The following SCN10A variants were observed in gnomAD, a reference collection of about 807,000 sequenced individuals.
SCN10A encodes sodium channel protein type 10 subunit alpha.
A neutral mutation model predicts 170.7 loss-of-function variants in SCN10A; 162 were observed. That is an observed-to-expected ratio of 0.95 (90% confidence interval 0.84 to 1.08). SCN10A has a LOEUF of 1.08. Among genes scored for constraint, SCN10A ranks in the 50% least tolerant of loss-of-function variants. The pLI, the probability that SCN10A is intolerant of heterozygous loss-of-function variation, is 0.00. For synonymous variants in SCN10A, 985 were observed against 904.6 expected, an observed-to-expected ratio of 1.09 and a Z score of -1.59; for missense variants, 2,527 against 2,436.9, an observed-to-expected ratio of 1.04 and a Z score of -0.78.
chr3:38,728,856 G>A lies in SCN10A; in HGVS notation c.2326C>T (p.Leu776Phe), dbSNP rs761743865. The A allele has an allele frequency of 1.2e-6, 2 of 1,614,166 alleles. No individual in the cohort carries two copies. The highest frequency in any genetic ancestry group is 3.3e-5 in the Admixed American group (2 of 60,032). The change falls in exon 16 of 28, where the codon CTC (leucine) becomes TTC (phenylalanine). Residue 776 changes from leucine to phenylalanine, a missense_variant. Transcript: ENST00000449082. Reference protein sequence around the residue: ...LAKSWPTLNTLIKIIGNSVGA... With the variant: ...LAKSWPTLNTFIKIIGNSVGA... ...ACTGAGTTTCCGATGATCTTGATGAGTGTGTTTAAGGTGGGCCAGGATTTG... is the reference window on the plus strand; with the variant it reads ...ACTGAGTTTCCGATGATCTTGATGAATGTGTTTAAGGTGGGCCAGGATTTG...
chr3:38,746,390 C>A (rs1035754026), intron 13 of SCN10A, among the ~76,000 whole-genome samples: 2 of 151,930 alleles, frequency 1.3e-5, no homozygotes, highest in African/African-American at 2.4e-5. Flanking sequence ...TCCCATCAGC[C>A]CCACTGTCAC....
chr3:38,809,048 AC>A (rs1475089856), intron 1 of SCN10A, among the ~76,000 whole-genome samples: 1 of 152,172 alleles, frequency 6.6e-6, no homozygotes. Flanking sequence ...TGCTTTATGA[AC>A]CTGGAAATAA....
rs777604789 is a variant in SCN10A at position 38,712,148 on chromosome 3, A to T, written c.4089+13T>A. On this transcript the variant is annotated intron_variant, in intron 23 of 27. Coordinates refer to ENST00000449082, the MANE Select transcript of SCN10A (RefSeq NM_006514.4). ...CAAAGCAAGAGATATGGTTGATCTC[A>T]TGGTTGACTCACCACCTGCAGAAGT... The T allele has an allele frequency of 6.2e-7, 1 of 1,612,722 alleles. No homozygotes were observed. The highest frequency in any genetic ancestry group is 1.3e-5 in the African/African-American group (1 of 75,016).
At chr3:38,729,246 G>T (rs902029265) in intron 15 of SCN10A, among the ~76,000 whole-genome samples, 1 of 152,150 alleles carries the variant, frequency 6.6e-6, no homozygotes. Flanking sequence ...GGGTGGGTGT[G>T]ATGGGGCTCA....
intron 13 of SCN10A, among the ~76,000 whole-genome samples, chr3:38,749,646 A>G (rs2063727140): frequency 6.6e-6 from 1 of 152,242 alleles, no homozygotes; most frequent in East Asian, 1.9e-4. Context: ...AAATTAAATT[A>G]CAACTGTGTA....
chr3:38,736,473 G>T (rs927149057), intron 15 of SCN10A, among the ~76,000 whole-genome samples: 1 of 150,902 alleles, frequency 6.6e-6, no homozygotes, highest in Admixed American at 6.6e-5. Flanking sequence ...ACTGAAAACT[G>T]TCCTGAAAAT....
intron 1 of SCN10A, among the ~76,000 whole-genome samples, chr3:38,803,766 T>C (rs991373222): frequency 6.6e-6 from 1 of 152,064 alleles, no homozygotes; most frequent in Admixed American, 6.6e-5. Flanking sequence ...ACCTGCACAT[T>C]GTGCGCATGT....
intron 17 of SCN10A, 39 bp from the exon 18 acceptor site, chr3:38,725,353 C>G (rs1270617717): frequency 1.3e-6 from 2 of 1,518,574 alleles, no homozygotes; most frequent in Admixed American, 1.9e-5. Context: ...CTGGCCCCAC[C>G]CTTAGATGAC....
chr3:38,705,942 T>A (rs189057351), intron 26 of SCN10A, among the ~76,000 whole-genome samples: 2 of 152,276 alleles, frequency 1.3e-5, no homozygotes, highest in East Asian at 3.9e-4. Flanking sequence ...TTGAGCCTGC[T>A]CCTCTCCACT....
intron 14 of SCN10A, 39 bp downstream of exon 14, chr3:38,742,252 G>A (rs1162697721): frequency 1.0e-5 from 7 of 681,510 alleles, no homozygotes; most frequent in African/African-American, 4.3e-5. Flanking sequence ...ACCCCGCCCC[G>A]ACCACGCCAG....
chr3:38,697,601 G>A lies in SCN10A; in HGVS notation c.5619C>T (p.Leu1873=). Reference sequence around the variant, plus strand: ...CTCTGGGCACACATGGGGTGTTAGAGAGTGCCATGGAGCGGTGCAGCACAT... The same window carrying A: ...CTCTGGGCACACATGGGGTGTTAGAAAGTGCCATGGAGCGGTGCAGCACAT... ...RSYVLHRSMA[L]SNTPCVPRAE... Residue 1873 remains leucine (L), a synonymous_variant, in exon 28 of 28, where the codon CTC becomes CTT. Transcript: ENST00000449082. 1.9e-6 allele frequency: 3 copies of A among 1,614,216 alleles called. No individual in the cohort carries two copies. The highest frequency in any genetic ancestry group is 2.2e-5 in the South Asian group (2 of 91,080).
chr3:38,769,724 T>C (rs1189879151), intron 5 of SCN10A, among the ~76,000 whole-genome samples: 2 of 152,206 alleles, frequency 1.3e-5, no homozygotes, highest in Admixed American at 1.3e-4. Flanking sequence ...GAATGGCTGT[T>C]GTGCAGATTC....
chr3:38,775,000 C>A (rs1190865769), intron 4 of SCN10A, among the ~76,000 whole-genome samples: 1 of 152,152 alleles, frequency 6.6e-6, no homozygotes, highest in South Asian at 2.1e-4. Flanking sequence ...GATAGTGATA[C>A]CTTTCCTTGC....
chr3:38,731,511 A>G (rs150333337), intron 15 of SCN10A, among the ~76,000 whole-genome samples: 121 of 152,342 alleles, frequency 7.9e-4, no homozygotes, highest in African/African-American at 2.6e-3. Context: ...ACTGTGTTCC[A>G]AAGAGTAAGA....
At chr3:38,745,924 A>G (rs1487393897) in intron 13 of SCN10A, among the ~76,000 whole-genome samples, 1 of 151,330 alleles carries the variant, frequency 6.6e-6, no homozygotes, top group Non-Finnish European at 1.5e-5. Context: ...AGTTTGTTAG[A>G]ACTGTGTCTG....
intron 13 of SCN10A, among the ~76,000 whole-genome samples, chr3:38,748,462 A>G (rs930223440): frequency 6.6e-6 from 1 of 152,188 alleles, no homozygotes; most frequent in African/African-American, 2.4e-5. Context: ...GTCTCTTGTT[A>G]AGTCAATGTT....
rs935323254 is a variant in SCN10A, at chr3:38,803,797, TA to T, written c.-32-9756del. On this transcript the variant is annotated intron_variant, in intron 1 of 27. Coordinates refer to ENST00000449082, the MANE Select transcript of SCN10A (RefSeq NM_006514.4). ...CATGTACCCTAGAACTTAAAGTATA[TA>T]AAAAAAACAAAACCTTTTAAATTAC... 5.3e-5 allele frequency among the ~76,000 whole-genome samples: 8 copies of T among 151,690 alleles called. No individual in the cohort carries two copies. In the East Asian group the frequency reaches 5.8e-4, roughly 11 times the overall value.
At chr3:38,788,658 C>A (rs377268502) in intron 4 of SCN10A, among the ~76,000 whole-genome samples, 12 of 152,112 alleles carry the variant, frequency 7.9e-5, no homozygotes, top group East Asian at 5.8e-4. Flanking sequence ...TCTTCCCAGG[C>A]CACCTTAGAC....
intron 5 of SCN10A, among the ~76,000 whole-genome samples, chr3:38,767,700 G>T (rs541077292): frequency 1.3e-5 from 2 of 152,248 alleles, no homozygotes; most frequent in African/African-American, 4.8e-5. Context: ...CTGATGAAAA[G>T]AATGTATATT....
Sources: gnomAD v4.1 joint callset for allele counts (sites outside exome capture counted in the v4.1 genomes callset) on GRCh38, gnomAD v4.1.1 for gene constraint, MANE v1.5 for transcripts, NCBI Gene and HGNC (gene_info 2026-07-23, HGNC 2026-07-21) for gene names.